Variants in TBC1D5 observed in about 807,000 individuals in gnomAD.
TBC1D5 encodes the protein TBC1 domain family member 5, also known as TBC1 domain family, member 5.
In TBC1D5, 75 loss-of-function variants were observed where a neutral mutation model predicts 100.3. The observed-to-expected ratio is 0.75, with a 90% CI of 0.62 to 0.91. The LOEUF is 0.91. Ranked by LOEUF, TBC1D5 falls within the 40% of genes least tolerant of loss-of-function variation. TBC1D5 has a pLI of 0.00. For missense variants in TBC1D5, 910 were observed against 942.4 expected (o/e 0.97, Z 0.45); for synonymous variants, 323 against 325.6 (o/e 0.99, Z 0.09).
intron 3 of TBC1D5, among the ~76,000 whole-genome samples, chr3:17,504,411 T>C (rs1027395154): frequency 4.0e-5 from 6 of 151,652 alleles, no homozygotes; most frequent in Admixed American, 1.3e-4. Flanking sequence ...ATTGTGCACA[T>C]GTACCCTAAA....
At chr3:17,467,030 T>C (rs1471624046) in intron 3 of TBC1D5, among the ~76,000 whole-genome samples, 1 of 152,140 alleles carries the variant, frequency 6.6e-6, no homozygotes, top group Non-Finnish European at 1.5e-5. Context: ...CCTTTAATTA[T>C]TAATAGTGGG....
intron 2 of TBC1D5, among the ~76,000 whole-genome samples, chr3:17,539,505 C>A (rs1272399681): frequency 6.6e-6 from 1 of 151,966 alleles, no homozygotes; most frequent in Non-Finnish European, 1.5e-5. Flanking sequence ...ACAATTTCTT[C>A]CAGGGCCTGC....
chr3:17,581,875 C>T (rs1355771041), intron 2 of TBC1D5, among the ~76,000 whole-genome samples: 1 of 152,194 alleles, frequency 6.6e-6, no homozygotes, highest in African/African-American at 2.4e-5. Context: ...GCTGCAGCCA[C>T]ACTGACCTTG....
chr3:17,233,406 A>G (rs1450684517), intron 17 of TBC1D5, among the ~76,000 whole-genome samples: 1 of 152,186 alleles, frequency 6.6e-6, no homozygotes, highest in East Asian at 1.9e-4. Flanking sequence ...ATACTATGTT[A>G]TAATAACCAC....
intron 13 of TBC1D5, among the ~76,000 whole-genome samples, chr3:17,324,097 T>C (rs1267719130): frequency 1.3e-5 from 2 of 152,316 alleles, no homozygotes; most frequent in East Asian, 3.9e-4. Context: ...ACAAATGATG[T>C]TGGAATAACT....
chr3:17,346,094 T>G lies in TBC1D5; in HGVS notation c.995+25981A>C, dbSNP rs370299010. ...TAATAATAATAAAAGAATTTTTCAGTATAATACTATTGCCAAAAAATCTTT... is the reference window on the plus strand; with the variant it reads ...TAATAATAATAAAAGAATTTTTCAGGATAATACTATTGCCAAAAAATCTTT... On this transcript the variant is annotated intron_variant, in intron 13 of 21. Transcript: ENST00000253692. 8.2e-4 allele frequency among the ~76,000 whole-genome samples: 125 copies of G among 152,184 alleles called. 2 individuals are homozygous for G. The East Asian group carries it at 0.012, about 15-fold the overall frequency.
At chr3:17,229,599 G>A (rs1197899288) in intron 17 of TBC1D5, among the ~76,000 whole-genome samples, 1 of 152,162 alleles carries the variant, frequency 6.6e-6, no homozygotes, top group East Asian at 1.9e-4. Context: ...TGAGCAGGTA[G>A]CACCCTAGAG....
intron 13 of TBC1D5, among the ~76,000 whole-genome samples, chr3:17,328,464 T>A (rs1446190330): frequency 6.6e-6 from 1 of 152,124 alleles, no homozygotes; most frequent in Non-Finnish European, 1.5e-5. Flanking sequence ...CCTTGAATCA[T>A]CTAGCAGGCC....
intron 14 of TBC1D5, among the ~76,000 whole-genome samples, chr3:17,295,799 A>T (rs1340946340): frequency 6.6e-6 from 1 of 152,222 alleles, no homozygotes; most frequent in Non-Finnish European, 1.5e-5. Flanking sequence ...GACTCCCCAA[A>T]AATATCACTT....
chr3:17,628,029 T>C (rs905731786), intron 1 of TBC1D5, among the ~76,000 whole-genome samples: 2 of 152,120 alleles, frequency 1.3e-5, no homozygotes, highest in Non-Finnish European at 2.9e-5. Flanking sequence ...TATAAAATAT[T>C]ACAATGAGAA....
intron 15 of TBC1D5, among the ~76,000 whole-genome samples, chr3:17,265,765 G>A (rs1312884219): frequency 1.3e-5 from 2 of 152,092 alleles, no homozygotes; most frequent in African/African-American, 4.8e-5. Context: ...GAGATGCCAT[G>A]GCACGCGTGA....
intron 2 of TBC1D5, among the ~76,000 whole-genome samples, chr3:17,596,420 G>A (rs966082707): frequency 5.4e-5 from 8 of 148,496 alleles, no homozygotes; most frequent in African/African-American, 2.0e-4. Flanking sequence ...CCGGGTTCAA[G>A]CAATTCTCCT....
In TBC1D5 at chr3:17,555,275, G is replaced by A. The variant is rs1013692091; in HGVS notation, c.-35-46670C>T. 2.6e-5 allele frequency among the ~76,000 whole-genome samples: 4 copies of A among 152,136 alleles called. No individual in the cohort carries two copies. The East Asian group carries it at 7.7e-4, about 29-fold the overall frequency. ...GCCAAAGTTAAGGAATACGACACATGGCACAGCCTCAAGAGGTCCTAAGAA... is the reference window on the plus strand; with the variant it reads ...GCCAAAGTTAAGGAATACGACACATAGCACAGCCTCAAGAGGTCCTAAGAA... On this transcript the variant is annotated intron_variant, in intron 2 of 21. Coordinates refer to ENST00000253692, the Ensembl canonical transcript of TBC1D5.
rs1288873975 is a variant in TBC1D5 at position 17,544,426 on chromosome 3, G to A, written c.-35-35821C>T. Among the ~76,000 whole-genome samples the A allele has an allele frequency of 1.3e-5, 2 of 152,180 alleles. 1 individual carries two copies. The highest frequency in any genetic ancestry group is 2.9e-5 in the Non-Finnish European group (2 of 68,032). Reference sequence around the variant, plus strand: ...CCGGCACTCTGGGAGGCCAAAGCAGGCAGATCACGAGGTCAGGGGTTTGAG... The same window carrying A: ...CCGGCACTCTGGGAGGCCAAAGCAGACAGATCACGAGGTCAGGGGTTTGAG... On this transcript the variant is annotated intron_variant, in intron 2 of 21. Coordinates refer to ENST00000253692, the Ensembl canonical transcript of TBC1D5.
chr3:17,286,998 G>T (rs1187248507), intron 15 of TBC1D5, among the ~76,000 whole-genome samples: 1 of 152,160 alleles, frequency 6.6e-6, no homozygotes, highest in Non-Finnish European at 1.5e-5. Context: ...TATGTCTTCT[G>T]TATTCCATAA....
At position 17,380,079 on chromosome 3, in the gene TBC1D5, G is replaced by GTGTGTGTGTC. The variant is rs2092884294; in HGVS notation, c.613-3467_613-3466insGACACACACA. Among the ~76,000 whole-genome samples the GTGTGTGTGTC allele has an allele frequency of 6.8e-5, 10 of 147,094 alleles. No individual in the cohort carries two copies. The South Asian group carries it at 2.1e-3, about 31-fold the overall frequency. ...TGTGTGTGTGTGTGTGTGTGTGTGT[G>GTGTGTGTGTC]TGTGTGTGTGTATACACATCCAGAT... is the stretch of plus-strand genomic sequence containing the variant. On this transcript the variant is annotated intron_variant, in intron 9 of 21. Transcript: ENST00000253692.
chr3:17,257,045 T>C (rs776673356), intron 16 of TBC1D5, among the ~76,000 whole-genome samples: 8 of 151,828 alleles, frequency 5.3e-5, no homozygotes, highest in Non-Finnish European at 7.4e-5. Context: ...GTCAAAGAGA[T>C]AGGAAAGGGC....
chr3:17,619,262 G>GT (rs1339985764), intron 2 of TBC1D5, among the ~76,000 whole-genome samples: 1 of 152,160 alleles, frequency 6.6e-6, no homozygotes, highest in East Asian at 1.9e-4. Context: ...AGTTAGACAA[G>GT]TTGATACTGA....
At chr3:17,205,759 A>G (rs1417013469) in intron 18 of TBC1D5, among the ~76,000 whole-genome samples, 1 of 152,150 alleles carries the variant, frequency 6.6e-6, no homozygotes, top group Non-Finnish European at 1.5e-5. Context: ...AGACTTCTCT[A>G]GAAGGGCTGT....
Sources: allele counts gnomAD v4.1 joint callset (sites outside exome capture counted in the v4.1 genomes callset), GRCh38; gene constraint gnomAD v4.1.1; transcripts MANE v1.5; gene names NCBI Gene and HGNC (gene_info 2026-07-23, HGNC 2026-07-21).